Variants in MCTP1 observed in about 807,000 individuals in gnomAD.
MCTP1 encodes multiple C2 and transmembrane domain containing 1.
A neutral mutation model predicts 120.6 loss-of-function variants in MCTP1; 69 were observed. That is an observed-to-expected ratio of 0.57 (90% CI 0.47 to 0.70). The LOEUF is 0.70. Ranked by LOEUF, MCTP1 falls within the 30% of genes least tolerant of loss-of-function variation. The pLI, the probability that MCTP1 is intolerant of heterozygous loss-of-function variation, is 0.00. For missense variants in MCTP1, 1,203 were observed against 1,248.8 expected, an observed-to-expected ratio of 0.96 and a Z score of 0.55; for synonymous variants, 529 against 493.1, an observed-to-expected ratio of 1.07 and a Z score of -0.96.
chr5:95,239,104 G>A (rs144900817), intron 1 of MCTP1, among the ~76,000 whole-genome samples: 56 of 152,222 alleles, frequency 3.7e-4, no homozygotes, highest in Admixed American at 1.3e-3. Context: ...TTACACAAAC[G>A]TAACATTTGG....
chr5:95,195,245 G>A (rs939069775), intron 1 of MCTP1, among the ~76,000 whole-genome samples: 2 of 152,168 alleles, frequency 1.3e-5, no homozygotes, highest in Non-Finnish European at 2.9e-5. Context: ...CAGAATCTTG[G>A]GTTTTTCCCC....
At chr5:94,851,700 A>G (rs1192813309) in intron 17 of MCTP1, among the ~76,000 whole-genome samples, 1 of 152,042 alleles carries the variant, frequency 6.6e-6, no homozygotes, top group Non-Finnish European at 1.5e-5. Context: ...GAGGTCACAC[A>G]TAACAAAATC....
chr5:95,188,133 T>C (rs1010648539), intron 1 of MCTP1, among the ~76,000 whole-genome samples: 2 of 152,108 alleles, frequency 1.3e-5, no homozygotes, highest in African/African-American at 2.4e-5. Context: ...GACAGATACA[T>C]AGATGGCAAA....
intron 1 of MCTP1, among the ~76,000 whole-genome samples, chr5:95,251,144 G>A (rs1220365336): frequency 2.0e-5 from 3 of 152,008 alleles, no homozygotes; most frequent in Admixed American, 6.6e-5. Flanking sequence ...GAGCATGGGC[G>A]GCTGGTGAGG....
At chr5:95,102,956 C>A (rs145030919) in intron 1 of MCTP1, among the ~76,000 whole-genome samples, 56 of 152,280 alleles carry the variant, frequency 3.7e-4, no homozygotes, top group Admixed American at 1.2e-3. Context: ...TCAGCAATAA[C>A]CACTTCTCTA....
chr5:95,051,548 A>C (rs911967571), intron 1 of MCTP1, among the ~76,000 whole-genome samples: 1 of 151,906 alleles, frequency 6.6e-6, no homozygotes, highest in African/African-American at 2.4e-5. Context: ...ACCTCTCCAA[A>C]TTTCTGTTCT....
intron 17 of MCTP1, among the ~76,000 whole-genome samples, chr5:94,800,329 C>T (rs1315123042): frequency 1.3e-5 from 2 of 152,154 alleles, no homozygotes; most frequent in African/African-American, 4.8e-5. Flanking sequence ...TTTAGCTGAA[C>T]CATAGCGTAA....
At chr5:94,972,874 C>A (rs572706385) in intron 2 of MCTP1, among the ~76,000 whole-genome samples, 1 of 152,060 alleles carries the variant, frequency 6.6e-6, no homozygotes, top group African/African-American at 2.4e-5. Context: ...CATAGCCTGG[C>A]CATTCTTAGG....
intron 19 of MCTP1, among the ~76,000 whole-genome samples, chr5:94,776,416 C>T (rs956408873): frequency 1.3e-5 from 2 of 152,078 alleles, no homozygotes; most frequent in South Asian, 2.1e-4. Context: ...AACAGGTGCT[C>T]TCATTCTGTG....
intron 1 of MCTP1, among the ~76,000 whole-genome samples, chr5:95,222,211 C>T (rs1753770789): frequency 6.6e-6 from 1 of 152,196 alleles, no homozygotes; most frequent in African/African-American, 2.4e-5. Flanking sequence ...CTGATGGCTG[C>T]CTGCCTTCTT....
At chr5:95,032,013 T>A (rs1008050876) in intron 1 of MCTP1, among the ~76,000 whole-genome samples, 1 of 152,140 alleles carries the variant, frequency 6.6e-6, no homozygotes, top group African/African-American at 2.4e-5. Flanking sequence ...TATGTAATGA[T>A]AAAAGATTCC....
chr5:95,060,161 A>G (rs1173436653), intron 1 of MCTP1, among the ~76,000 whole-genome samples: 4 of 125,388 alleles, frequency 3.2e-5, no homozygotes, highest in Non-Finnish European at 7.1e-5. Flanking sequence ...CTCTAGAGCC[A>G]TGAGCACACT....
intron 5 of MCTP1, among the ~76,000 whole-genome samples, chr5:94,939,660 C>T (rs972755366): frequency 2.0e-5 from 3 of 151,898 alleles, no homozygotes; most frequent in African/African-American, 7.3e-5. Flanking sequence ...TACCAGAAAG[C>T]AGAAACTCTG....
chr5:95,282,446 T>C (rs2152747473), intron 1 of MCTP1, among the ~76,000 whole-genome samples: 1 of 152,334 alleles, frequency 6.6e-6, no homozygotes, highest in African/African-American at 2.4e-5. Context: ...TCCCCAACTC[T>C]GAAATTCTTC....
At chr5:94,716,478 T>C (rs1759410641) in intron 19 of MCTP1, among the ~76,000 whole-genome samples, 1 of 152,192 alleles carries the variant, frequency 6.6e-6, no homozygotes, top group African/African-American at 2.4e-5. Flanking sequence ...CCTGTTCCTT[T>C]CAAAACTGCA....
At chr5:94,711,867 A>G (rs567069703) in intron 20 of MCTP1, among the ~76,000 whole-genome samples, 20 of 152,304 alleles carry the variant, frequency 1.3e-4, no homozygotes, top group Admixed American at 2.6e-4. Context: ...TGGGAAGATT[A>G]TAATCACTTA....
At position 95,139,368 on chromosome 5, in the gene MCTP1, G is replaced by A. The variant is rs560673756; in HGVS notation, c.721-121884C>T. On this transcript the variant is annotated intron_variant, in intron 1 of 22. Coordinates refer to ENST00000515393, the MANE Select transcript of MCTP1 (RefSeq NM_024717.7). ...AGATATTTGCATGCTTTTCTTTCCG[G>A]CAAATGCAAATTTCTTAAGGAAATA... is the stretch of plus-strand genomic sequence containing the variant. Among the ~76,000 whole-genome samples, 3 of 152,230 alleles carry A rather than the reference G, an allele frequency of 2.0e-5. No homozygotes were observed. The South Asian group carries it at 6.2e-4, about 32-fold the overall frequency.
At chr5:95,256,726 A>C (rs2152708439) in intron 1 of MCTP1, among the ~76,000 whole-genome samples, 1 of 152,324 alleles carries the variant, frequency 6.6e-6, no homozygotes, top group Middle Eastern at 3.4e-3. Context: ...ATGCAGCTAA[A>C]AAAAAGAGAG....
intron 1 of MCTP1, among the ~76,000 whole-genome samples, chr5:95,099,108 T>C (rs2152362651): frequency 6.6e-6 from 1 of 151,668 alleles, no homozygotes; most frequent in South Asian, 2.1e-4. Flanking sequence ...TTACACCTTA[T>C]ACAAAAATCA....
Sources: gnomAD v4.1 joint callset for allele counts (sites outside exome capture counted in the v4.1 genomes callset) on GRCh38, gnomAD v4.1.1 for gene constraint, MANE v1.5 for transcripts, NCBI Gene and HGNC (gene_info 2026-07-23, HGNC 2026-07-21) for gene names.